PPP2R5D: variants seen among roughly 807,000 people sequenced by gnomAD.
The protein encoded by PPP2R5D is serine/threonine-protein phosphatase 2A 56 kDa regulatory subunit delta isoform.
PPP2R5D carries 12 observed loss-of-function variants against 79.1 expected under a neutral mutation model. That is an observed-to-expected ratio of 0.15 (90% CI 0.10 to 0.25). The LOEUF (loss-of-function observed/expected upper bound fraction) is 0.25, where lower values mean the gene tolerates loss of function less well. Ranked by LOEUF, PPP2R5D falls within the 10% of genes least tolerant of loss-of-function variation. The pLI is 1.00. For missense variants in PPP2R5D, 419 were observed against 760.2 expected (o/e 0.55, Z 5.28); for synonymous variants, 277 against 286.6 (o/e 0.97, Z 0.34).
At chr6:42,989,725 G>A (rs1291685591) in intron 2 of PPP2R5D, 37 bp downstream of exon 2, 1 of 1,575,472 alleles carries the variant, frequency 6.3e-7, no homozygotes, top group Non-Finnish European at 8.7e-7. Context: ...TGTGGTGCAG[G>A]TGCCACCCGC....
Position 43,008,560 on chromosome 6 carries a change from A to G in PPP2R5D, c.1026+85A>G, listed in dbSNP as rs549417962. On this transcript the variant is annotated intron_variant, in intron 9 of 15. Transcript: ENST00000485511. The surrounding 1 kb of genome is among the most constrained non-coding windows in gnomAD (Gnocchi z 4.2). ...AAAGTGTTCCAGCTGGGATAGGGGA[A>G]GCATAGGGAGCAGGTGGGATAATTC... 30 of 1,477,802 alleles carry G rather than the reference A, an allele frequency of 2.0e-5. 1 individual carries two copies. The South Asian group carries it at 3.3e-4, about 16-fold the overall frequency. The allele number at this position is 1,477,802 out of a possible 1,614,324, so 91.5% of individuals were successfully genotyped here.
intron 2 of PPP2R5D, among the ~76,000 whole-genome samples, chr6:42,997,888 C>A (rs967914388): frequency 1.3e-5 from 2 of 149,130 alleles, no homozygotes; most frequent in African/African-American, 2.5e-5. Flanking sequence ...GCCATATTGT[C>A]CAGGCTGGTC....
chr6:43,010,587 C>T lies in PPP2R5D; in HGVS notation c.1481+18C>T, dbSNP rs753270771. On this transcript the variant is annotated intron_variant, in intron 13 of 15. Transcript: ENST00000485511. The surrounding 1 kb of genome is among the most constrained non-coding windows in gnomAD (Gnocchi z 4.7). ...AAGCAGAAGTGAGTATCTCTCTCCC[C>T]GGGAGACTTTCATCTTCTACCACCA... 18 of 1,612,818 alleles carry T rather than the reference C, an allele frequency of 1.1e-5. No homozygotes were observed. The highest frequency in any genetic ancestry group is 6.7e-5 in the Admixed American group (4 of 59,998).
At position 42,987,511 on chromosome 6, in the gene PPP2R5D, T is replaced by C. The variant is rs573309118; in HGVS notation, c.28-2100T>C. On this transcript the variant is annotated intron_variant, in intron 1 of 15. Transcript: ENST00000485511. Reference sequence around the variant, plus strand: ...GGGTATTATGATTGTCATCATCTAATAGATGAGGAAACTGAGGCTCAGAGA... The same window carrying C: ...GGGTATTATGATTGTCATCATCTAACAGATGAGGAAACTGAGGCTCAGAGA... Among the ~76,000 whole-genome samples, 57 of 152,302 alleles carry C rather than the reference T, an allele frequency of 3.7e-4. 1 individual carries two copies. Among genetic ancestry groups the C allele is most frequent in the African/African-American group, 1.3e-3 (55 of 41,556 alleles).
Position 43,008,175 on chromosome 6 carries a change from C to A in PPP2R5D, c.858-26C>A. ...ATGCTGGAGGGACATCAGGGGTTGT[C>A]AAGAGAGCCATTTTTCTTCCCTCAG... On this transcript the variant is annotated intron_variant, in intron 7 of 15. Transcript: ENST00000485511. This position sits in a 1 kb window ranked among gnomAD's most constrained non-coding sequence, Gnocchi z 4.2. The A allele has an allele frequency of 6.2e-7, 1 of 1,613,898 alleles. No individual in the cohort carries two copies. The highest frequency in any genetic ancestry group is 8.5e-7 in the Non-Finnish European group (1 of 1,179,984).
chr6:43,006,734 G>A lies in PPP2R5D; in HGVS notation c.322+55G>A, dbSNP rs1762103233. On this transcript the variant is annotated intron_variant, in intron 3 of 15. Coordinates refer to ENST00000485511, the MANE Select transcript of PPP2R5D (RefSeq NM_006245.4). The surrounding 1 kb of genome is among the most constrained non-coding windows in gnomAD (Gnocchi z 4.7). ...TTACCAGTTCTAGTGGGCATCGGGA[G>A]TTGGTGGAATGGAAGTTTTGGGGTA... 5 of 1,592,570 alleles carry A rather than the reference G, an allele frequency of 3.1e-6. No homozygotes were observed. The South Asian group carries it at 3.4e-5, about 11-fold the overall frequency.
intron 2 of PPP2R5D, among the ~76,000 whole-genome samples, chr6:42,993,938 T>C (rs1476959275): frequency 1.3e-5 from 2 of 152,210 alleles, no homozygotes; most frequent in African/African-American, 4.8e-5. Context: ...GCATACATTG[T>C]CTCATTTAAC....
rs1367764703 is a variant in PPP2R5D, at chr6:42,984,723, C to T, written c.27+19C>T. 1.2e-6 allele frequency: 2 copies of T among 1,611,054 alleles called. No individual in the cohort carries two copies. The highest frequency in any genetic ancestry group is 1.3e-5 in the African/African-American group (1 of 74,570). ...GGAGAAGGTGAGCGTGGCCCTTTTT[C>T]CCCCACCGCCGCCTTGGAGCCTGCG... On this transcript the variant is annotated intron_variant, in intron 1 of 15. Coordinates refer to ENST00000485511, the MANE Select transcript of PPP2R5D (RefSeq NM_006245.4).
chr6:42,987,027 A>C (rs761707810), intron 1 of PPP2R5D, among the ~76,000 whole-genome samples: 6 of 152,008 alleles, frequency 3.9e-5, no homozygotes, highest in Non-Finnish European at 8.8e-5. Flanking sequence ...GAGGATCTTT[A>C]TTGCTCATCT....
rs778970107 is a variant in PPP2R5D at position 42,989,734 on chromosome 6, G to A, written c.105+46G>A. The A allele has an allele frequency of 9.8e-6, 15 of 1,531,842 alleles. No individual in the cohort carries two copies. The East Asian group carries it at 1.4e-4, about 14-fold the overall frequency. The allele number at this position is 1,531,842 out of a possible 1,614,324, so 94.9% of individuals were successfully genotyped here. ...CTTAGATGTGGTGCAGGTGCCACCCGCAACTCCATGATGGCTAGTTGGGTA... is the reference window on the plus strand; with the variant it reads ...CTTAGATGTGGTGCAGGTGCCACCCACAACTCCATGATGGCTAGTTGGGTA... On this transcript the variant is annotated intron_variant, in intron 2 of 15. Transcript: ENST00000485511.
chr6:43,002,822 A>T (rs1405772797), intron 2 of PPP2R5D, among the ~76,000 whole-genome samples: 1 of 152,094 alleles, frequency 6.6e-6, no homozygotes, highest in Non-Finnish European at 1.5e-5. Flanking sequence ...GGTAAGGAGT[A>T]AGAGTTTGGG....
intron 2 of PPP2R5D, among the ~76,000 whole-genome samples, chr6:42,991,513 C>T (rs1169276064): frequency 1.3e-5 from 2 of 152,146 alleles, no homozygotes; most frequent in African/African-American, 4.8e-5. Context: ...GCTGGTAGCA[C>T]CTAACCACAA....
rs1561851450 is a variant in PPP2R5D, at chr6:43,008,908, GAA to G, written c.1081-147_1081-146del. The G allele has an allele frequency of 1.6e-6, 2 of 1,240,670 alleles. No homozygotes were observed. The highest frequency in any genetic ancestry group is 2.3e-6 in the Non-Finnish European group (2 of 882,274). The allele number at this position is 1,240,670 out of a possible 1,614,324, so 76.9% of individuals were successfully genotyped here. ...GGAAGCAAAACCTATATACACCTAG[GAA>G]ACAGATCCAAGGCAAAGAAACGGGT... On this transcript the variant is annotated intron_variant, in intron 10 of 15. Transcript: ENST00000485511. The surrounding 1 kb of genome is among the most constrained non-coding windows in gnomAD (Gnocchi z 4.2).
chr6:42,985,649 C>CT (rs1407174337), intron 1 of PPP2R5D, among the ~76,000 whole-genome samples: 1 of 151,766 alleles, frequency 6.6e-6, no homozygotes, highest in Non-Finnish European at 1.5e-5. Flanking sequence ...TCTGCCTTTC[C>CT]TAAGCTACAC....
chr6:43,009,339 C>T lies in PPP2R5D; in HGVS notation c.1269C>T (p.Leu423=). 1 of 1,614,082 alleles carries T rather than the reference C, an allele frequency of 6.2e-7. No individual in the cohort carries two copies. Among genetic ancestry groups the T allele is most frequent in the South Asian group, 1.1e-5 (1 of 91,066 alleles). ...CCCACCAGGTGGCAGAGCGTGCTCTCTATTACTGGAACAATGAGTACATCA... is the reference window on the plus strand; with the variant it reads ...CCCACCAGGTGGCAGAGCGTGCTCTTTATTACTGGAACAATGAGTACATCA... ...SPHFQVAERA[L]YYWNNEYIMS... The change falls in exon 12 of 16, where the codon CTC becomes CTT. Residue 423 remains leucine (L), a synonymous_variant. Transcript: ENST00000485511. The surrounding 1 kb of genome is among the most constrained non-coding windows in gnomAD (Gnocchi z 5.6).
chr6:42,984,757 T>C, intron 1 of PPP2R5D, 53 bp downstream of exon 1: 1 of 1,608,580 alleles, frequency 6.2e-7, no homozygotes, highest in South Asian at 1.1e-5. Flanking sequence ...CGCGGAGCTC[T>C]GGGAGGGGCC....
At position 43,009,630 on chromosome 6, in the gene PPP2R5D, CTG is replaced by C. The variant is rs1762251984; in HGVS notation, c.1379+184_1379+185del. Among the ~76,000 whole-genome samples the C allele has an allele frequency of 6.6e-6, 1 of 152,192 alleles. No homozygotes were observed. Among genetic ancestry groups the C allele is most frequent in the African/African-American group, 2.4e-5 (1 of 41,438 alleles). On this transcript the variant is annotated intron_variant, in intron 12 of 15. Coordinates refer to ENST00000485511, the MANE Select transcript of PPP2R5D (RefSeq NM_006245.4). This position sits in a 1 kb window ranked among gnomAD's most constrained non-coding sequence, Gnocchi z 5.6. ...GAAAAGATGCCTGTGTGCAAGATCT[CTG>C]TGATACCAAACAGCAGGGCAGCGGC...
In PPP2R5D at chr6:43,009,297, C is replaced by T. The variant is rs1424300797; in HGVS notation, c.1252-25C>T. The T allele has an allele frequency of 1.9e-6, 3 of 1,614,000 alleles. No homozygotes were observed. The highest frequency in any genetic ancestry group is 2.5e-6 in the Non-Finnish European group (3 of 1,180,044). On this transcript the variant is annotated intron_variant, in intron 11 of 15. Coordinates refer to ENST00000485511, the MANE Select transcript of PPP2R5D (RefSeq NM_006245.4). This position sits in a 1 kb window ranked among gnomAD's most constrained non-coding sequence, Gnocchi z 5.6. ...GGTCTTGAGTGAAATGAGCAGCACC[C>T]ACCGAGTCTGCCTCTCCCCACCAGG...
chr6:42,996,660 G>C (rs942544141), intron 2 of PPP2R5D, among the ~76,000 whole-genome samples: 1 of 152,136 alleles, frequency 6.6e-6, no homozygotes, highest in South Asian at 2.1e-4. Flanking sequence ...TGAGCTCTTT[G>C]ATGGCAAGGG....
Sources: allele counts gnomAD v4.1 joint callset (sites outside exome capture counted in the v4.1 genomes callset), GRCh38; gene constraint gnomAD v4.1.1; non-coding constraint Gnocchi (gnomAD v3.1); transcripts MANE v1.5; gene names NCBI Gene and HGNC (gene_info 2026-07-23, HGNC 2026-07-21).